The following TCP11L2 variants were observed in gnomAD, a reference collection of about 807,000 sequenced individuals.
The protein encoded by TCP11L2 is t-complex 11 like 2.
In TCP11L2, 39 loss-of-function variants were observed where a neutral mutation model predicts 50.7. That is an observed-to-expected ratio of 0.77 (90% CI 0.60 to 1.01). TCP11L2 has a LOEUF of 1.01. Among genes scored for constraint, TCP11L2 ranks in the 50% least tolerant of loss-of-function variants. TCP11L2 has a pLI of 0.00. For synonymous variants in TCP11L2, 192 were observed against 219.3 expected (o/e 0.88, Z 1.10); for missense variants, 612 against 614.7 (o/e 1.00, Z 0.05).
upstream of TCP11L2, among the ~76,000 whole-genome samples, chr12:106,302,609 C>T (rs1296799470): frequency 6.6e-6 from 1 of 151,738 alleles, no homozygotes; most frequent in African/African-American, 2.4e-5. Context: ...CTGTTCTCGG[C>T]CTCTCTGGTT....
rs750751883 is a variant in TCP11L2 at position 106,321,597 on chromosome 12, C to T, written c.526C>T (p.Gln176Ter). Residue 176 changes from glutamine to a stop codon, truncating the protein, a stop_gained, in exon 5 of 10, where the codon CAA becomes TAA. Transcript: ENST00000299045. LOFTEE classifies it high-confidence loss of function. ...QQAEHSAVDI[Q>*]GLANYVISTM... ...GGCTGAGCACAGTGCTGTTGACATC[C>T]AAGGCCTGGCCAACTATGTCATCAG... 2 of 1,614,222 alleles carry T rather than the reference C, an allele frequency of 1.2e-6. No homozygotes were observed. Among genetic ancestry groups the T allele is most frequent in the East Asian group, 2.2e-5 (1 of 44,888 alleles).
In TCP11L2 at chr12:106,311,106, G is replaced by A. The variant is rs2034836633; in HGVS notation, c.31G>A (p.Gly11Arg). MPFNGEKQCV[G>R]EDQPSDSDSS... ...CTTCAATGGCGAGAAGCAGTGTGTG[G>A]GAGAGGACCAGCCAAGCGATTCTGA... The change falls in exon 2 of 10, where the codon GGA (glycine) becomes AGA (arginine). Residue 11 changes from glycine to arginine, a missense_variant. Transcript: ENST00000299045. 7 of 1,614,184 alleles carry A rather than the reference G, an allele frequency of 4.3e-6. No homozygotes were observed. Among genetic ancestry groups the A allele is most frequent in the Non-Finnish European group, 5.9e-6 (7 of 1,180,028 alleles).
At chr12:106,306,544 A>G (rs1329209377) in intron 1 of TCP11L2, among the ~76,000 whole-genome samples, 1 of 152,212 alleles carries the variant, frequency 6.6e-6, no homozygotes, top group Non-Finnish European at 1.5e-5. Flanking sequence ...TTTTTGCTTC[A>G]GTATAGGATC....
At chr12:106,344,238 G>A (rs140863623) in intron 9 of TCP11L2, among the ~76,000 whole-genome samples, 28 of 152,034 alleles carry the variant, frequency 1.8e-4, no homozygotes, top group Non-Finnish European at 3.2e-4. Context: ...TGGCTGCCAC[G>A]GTTTTCAGTT....
intron 6 of TCP11L2, chr12:106,329,572 A>G: frequency 7.1e-7 from 1 of 1,402,260 alleles, no homozygotes; most frequent in Non-Finnish European, 9.3e-7. Flanking sequence ...AATAAATCAA[A>G]GTCTCCAGGA....
chr12:106,335,944 T>C, intron 7 of TCP11L2, 88 bp from the exon 8 acceptor site: 1 of 1,496,240 alleles, frequency 6.7e-7, no homozygotes, highest in Non-Finnish European at 8.9e-7. Flanking sequence ...CAGATAAAAA[T>C]GGGAATTTGG....
At chr12:106,302,388 C>G (rs1347050147), upstream of TCP11L2, among the ~76,000 whole-genome samples, 1 of 89,224 alleles carries the variant, frequency 1.1e-5, no homozygotes, top group Non-Finnish European at 2.3e-5. Context: ...CCCGCTCAGC[C>G]CCCGCTCAGC....
chr12:106,333,694 G>T (rs1208424328), intron 6 of TCP11L2, among the ~76,000 whole-genome samples: 1 of 151,300 alleles, frequency 6.6e-6, no homozygotes, highest in Non-Finnish European at 1.5e-5. Context: ...AAAAGTAAAG[G>T]TAAACAAATA....
intron 6 of TCP11L2, 34 bp downstream of exon 6, chr12:106,323,680 T>G: frequency 7.4e-6 from 9 of 1,216,768 alleles, no homozygotes; most frequent in Non-Finnish European, 9.9e-6. Context: ...TATATTGAAA[T>G]TAGGTTAAAA....
chr12:106,326,311 G>A (rs2035544185), intron 6 of TCP11L2, among the ~76,000 whole-genome samples: 1 of 152,150 alleles, frequency 6.6e-6, no homozygotes, highest in Non-Finnish European at 1.5e-5. Flanking sequence ...AGCTGGGCAT[G>A]TTCTGCTTGG....
At chr12:106,323,446 C>A (rs12424952) in intron 5 of TCP11L2, 64 bp from the exon 6 acceptor site, 451,480 of 1,392,678 alleles carry the variant, frequency 0.32, 75,796 homozygotes, top group South Asian at 0.35. Flanking sequence ...GAACATAGAT[C>A]ATTGTTAGTG....
intron 6 of TCP11L2, chr12:106,329,463 G>A (rs2035671580): frequency 7.2e-6 from 11 of 1,527,078 alleles, no homozygotes; most frequent in African/African-American, 1.4e-5. Flanking sequence ...CACTCTAAAC[G>A]CATGCTCCTT....
At chr12:106,312,435 G>T in intron 2 of TCP11L2, 2 of 1,205,556 alleles carry the variant, frequency 1.7e-6, no homozygotes, top group Admixed American at 3.8e-5. Context: ...GCCACCCCAG[G>T]TTTCTGTGCC....
chr12:106,310,204 C>A (rs2034800757), intron 1 of TCP11L2, among the ~76,000 whole-genome samples: 1 of 152,168 alleles, frequency 6.6e-6, no homozygotes, highest in African/African-American at 2.4e-5. Context: ...ACATAGACAC[C>A]AAGGGACTGG....
At position 106,335,720 on chromosome 12, in the gene TCP11L2, C is replaced by T; in HGVS notation, c.854C>T (p.Pro285Leu). ...LFSLSESALT[P>L]GAENTSKPSL... ...TCTCTTTCTGAGAGTGCTTTAACTC[C>T]TGGGGCCGAAAATACCTCCAAGCCA... Residue 285 changes from proline to leucine, a missense_variant, in exon 7 of 10, where the codon CCT (proline) becomes CTT (leucine). Transcript: ENST00000299045. The T allele has an allele frequency of 6.2e-7, 1 of 1,614,174 alleles. No individual in the cohort carries two copies.
chr12:106,319,371 C>T (rs1012009478), intron 4 of TCP11L2, among the ~76,000 whole-genome samples: 4 of 152,128 alleles, frequency 2.6e-5, no homozygotes, highest in Non-Finnish European at 5.9e-5. Context: ...GAAACTATAG[C>T]AGTTTTTTCC....
chr12:106,302,320 C>CAG (rs199615546), upstream of TCP11L2, among the ~76,000 whole-genome samples: 616 of 40,044 alleles, frequency 0.015, 107 homozygotes, highest in Admixed American at 0.017. Context: ...AGCCCCCGCT[C>CAG]CCCCCGCTCA....
At chr12:106,317,924 C>A (rs1259968190) in intron 3 of TCP11L2, among the ~76,000 whole-genome samples, 1 of 152,226 alleles carries the variant, frequency 6.6e-6, no homozygotes, top group Non-Finnish European at 1.5e-5. Flanking sequence ...CATTCAAATG[C>A]ATGTGCCCTT....
intron 1 of TCP11L2, among the ~76,000 whole-genome samples, chr12:106,306,716 G>A (rs911950332): frequency 9.9e-5 from 15 of 152,086 alleles, no homozygotes; most frequent in African/African-American, 3.1e-4. Flanking sequence ...CACTTACTAG[G>A]AGCTTAAGTA....
Sources: gnomAD v4.1 joint callset for allele counts (sites outside exome capture counted in the v4.1 genomes callset) on GRCh38, gnomAD v4.1.1 for gene constraint, MANE v1.5 for transcripts, NCBI Gene and HGNC (gene_info 2026-07-23, HGNC 2026-07-21) for gene names.